DENND2B: variants seen among roughly 807,000 people sequenced by gnomAD.
DENND2B encodes the protein DENN domain-containing protein 2B.
In DENND2B, 32 loss-of-function variants were observed where a neutral mutation model predicts 116.0. The observed-to-expected ratio is 0.28, with a 90% CI of 0.21 to 0.37. DENND2B has a LOEUF of 0.37. DENND2B is among the 10% of genes least tolerant of loss of function. The pLI, the probability that DENND2B is intolerant of heterozygous loss-of-function variation, is 1.00. For synonymous variants in DENND2B, 588 were observed against 583.9 expected, an observed-to-expected ratio of 1.01 and a Z score of -0.10; for missense variants, 1,276 against 1,477.7, an observed-to-expected ratio of 0.86 and a Z score of 2.24.
chr11:8,894,295 C>G (rs1366462308), intron 1 of DENND2B, among the ~76,000 whole-genome samples: 1 of 152,140 alleles, frequency 6.6e-6, no homozygotes, highest in Non-Finnish European at 1.5e-5. Context: ...CATAAAAACC[C>G]TAGAAGAAAA....
In DENND2B at chr11:8,698,946, C is replaced by T. The variant is rs765239903; in HGVS notation, c.2927G>A (p.Arg976Gln). 6.6e-5 allele frequency: 106 copies of T among 1,614,026 alleles called. 1 individual carries two copies. The highest frequency in any genetic ancestry group is 1.3e-5 in the African/African-American group (1 of 74,894). Residue 976 changes from arginine (R) to glutamine (Q), a missense_variant, in exon 16 of 20, where the codon CGA (arginine) becomes CAA (glutamine). Coordinates refer to ENST00000313726, the MANE Select transcript of DENND2B (RefSeq NM_213618.2). ...CCACCCTCTTACCTGTCGGATGAAT[C>T]GGTCAGATCCCAGATTCACCATCAG... ...EALMVNLGSD[R>Q]FIRQMDDEDT...
intron 6 of DENND2B, 82 bp downstream of exon 6, chr11:8,715,521 G>A: frequency 6.9e-7 from 1 of 1,445,054 alleles, no homozygotes. Flanking sequence ...AGGGAAGGAA[G>A]GAAGCCAGGA....
At chr11:8,710,428 G>A (rs915428511) in intron 11 of DENND2B, among the ~76,000 whole-genome samples, 3 of 152,090 alleles carry the variant, frequency 2.0e-5, no homozygotes, top group Non-Finnish European at 4.4e-5. Context: ...AGGTATGGGG[G>A]TGAGGAAGGT....
intron 4 of DENND2B, among the ~76,000 whole-genome samples, chr11:8,817,454 T>C (rs1296907846): frequency 6.6e-6 from 1 of 152,128 alleles, no homozygotes; most frequent in Non-Finnish European, 1.5e-5. Context: ...GGTCAAGTCC[T>C]AGTGTTTTAT....
At chr11:8,708,005 G>A (rs1331401546) in intron 11 of DENND2B, 151 bp from the exon 12 acceptor site, 23 of 1,528,600 alleles carry the variant, frequency 1.5e-5, no homozygotes, top group South Asian at 3.6e-5. Flanking sequence ...TCTGCAACCA[G>A]AGCCCTGAAG....
intron 2 of DENND2B, among the ~76,000 whole-genome samples, chr11:8,860,094 T>C (rs1385905292): frequency 1.3e-5 from 2 of 152,150 alleles, no homozygotes; most frequent in South Asian, 2.1e-4. Context: ...TAGAGAATCA[T>C]CCAGCAGGGT....
At chr11:8,735,468 A>G (rs1194721728) in intron 2 of DENND2B, among the ~76,000 whole-genome samples, 1 of 152,204 alleles carries the variant, frequency 6.6e-6, no homozygotes, top group African/African-American at 2.4e-5. Context: ...TAAGCCACTA[A>G]GTTTTGGGGT....
intron 1 of DENND2B, among the ~76,000 whole-genome samples, chr11:8,796,948 T>C (rs1417675352): frequency 6.6e-6 from 1 of 151,848 alleles, no homozygotes; most frequent in Non-Finnish European, 1.5e-5. Flanking sequence ...CAGAGAAAGC[T>C]AAAAAAAACT....
chr11:8,907,862 G>GT (rs1443124147), intron 1 of DENND2B, among the ~76,000 whole-genome samples: 1 of 151,990 alleles, frequency 6.6e-6, no homozygotes, highest in African/African-American at 2.4e-5. Flanking sequence ...TGCCAGGCTA[G>GT]TTTTTTAATT....
intron 2 of DENND2B, among the ~76,000 whole-genome samples, chr11:8,746,697 T>G (rs974298010): frequency 1.4e-4 from 21 of 152,090 alleles, no homozygotes; most frequent in Non-Finnish European, 2.9e-5. Flanking sequence ...AACAGTGAAC[T>G]ATTAGGGCAG....
intron 4 of DENND2B, among the ~76,000 whole-genome samples, chr11:8,816,528 G>A (rs75178603): frequency 6.6e-6 from 1 of 150,492 alleles, no homozygotes; most frequent in Non-Finnish European, 1.5e-5. Context: ...TACAGCCTGG[G>A]TGACAGAGCA....
chr11:8,725,577 C>T (rs150440131), intron 4 of DENND2B, among the ~76,000 whole-genome samples: 134 of 152,058 alleles, frequency 8.8e-4, no homozygotes, highest in African/African-American at 3.1e-3. Context: ...AGGCTGGTCT[C>T]GAACTCCTGA....
chr11:8,779,505 T>C (rs1593571307), intron 1 of DENND2B, among the ~76,000 whole-genome samples: 1 of 120,892 alleles, frequency 8.3e-6, no homozygotes, highest in Admixed American at 9.1e-5. Flanking sequence ...TTTCTTTCTT[T>C]CTTTCTTTCT....
At chr11:8,698,300 G>C (rs1269335198) in intron 16 of DENND2B, among the ~76,000 whole-genome samples, 1 of 152,136 alleles carries the variant, frequency 6.6e-6, no homozygotes, top group Non-Finnish European at 1.5e-5. Context: ...GGGGGACTGT[G>C]GCCAGCCTGT....
At chr11:8,718,522 T>C (rs1157337114) in intron 4 of DENND2B, 1 of 1,452,104 alleles carries the variant, frequency 6.9e-7, no homozygotes, top group African/African-American at 1.4e-5. Flanking sequence ...GGAGGAAGTG[T>C]TCAGTAATGA....
chr11:8,896,095 T>C (rs2064097873), intron 1 of DENND2B, among the ~76,000 whole-genome samples: 1 of 152,162 alleles, frequency 6.6e-6, no homozygotes, highest in Non-Finnish European at 1.5e-5. Context: ...CCCATAATTA[T>C]AATTAGGTAA....
At chr11:8,736,367 A>G (rs1040639193) in intron 2 of DENND2B, among the ~76,000 whole-genome samples, 19 of 76,408 alleles carry the variant, frequency 2.5e-4, no homozygotes, top group Non-Finnish European at 6.4e-4. Context: ...GTCTCAAAAG[A>G]AAAAAAAAAG....
chr11:8,823,573 TAGTG>T (rs914521929), intron 4 of DENND2B, among the ~76,000 whole-genome samples: 2 of 152,138 alleles, frequency 1.3e-5, no homozygotes, highest in African/African-American at 4.8e-5. Context: ...GTTTTCATGA[TAGTG>T]AGTGAGGCTC....
chr11:8,739,092 T>C (rs2049684895), intron 2 of DENND2B, among the ~76,000 whole-genome samples: 1 of 152,252 alleles, frequency 6.6e-6, no homozygotes, highest in African/African-American at 2.4e-5. Flanking sequence ...TAAAAGGAAT[T>C]ATTATTTGTG....
Sources: allele counts gnomAD v4.1 joint callset (sites outside exome capture counted in the v4.1 genomes callset), GRCh38; gene constraint gnomAD v4.1.1; transcripts MANE v1.5; gene names NCBI Gene and HGNC (gene_info 2026-07-23, HGNC 2026-07-21).